The following USP34 variants were observed in gnomAD, a reference collection of about 807,000 sequenced individuals.
USP34 encodes the protein ubiquitin specific peptidase 34, also known as ubiquitin carboxyl-terminal hydrolase 34.
Under a neutral mutation model 460.3 loss-of-function variants are expected in USP34, and 70 were observed. The observed-to-expected ratio is 0.15, with a 90% confidence interval of 0.13 to 0.19. The LOEUF (loss-of-function observed/expected upper bound fraction) is 0.19. Among genes scored for constraint, USP34 ranks in the 10% least tolerant of loss-of-function variants. The pLI is 1.00. For missense variants in USP34, 3,985 were observed against 4,236.2 expected, an observed-to-expected ratio of 0.94 and a Z score of 1.65; for synonymous variants, 1,647 against 1,405.3, an observed-to-expected ratio of 1.17 and a Z score of -3.85.
chr2:61,204,802 T>C (rs373491632), intron 72 of USP34, among the ~76,000 whole-genome samples: 34 of 152,282 alleles, frequency 2.2e-4, no homozygotes, highest in South Asian at 8.3e-4. Flanking sequence ...AGGGCATCAT[T>C]TGGAAACAAA....
rs772882532 is a variant in USP34, at chr2:61,189,082, A to G, written c.9874-13T>C. 16 of 1,601,668 alleles carry G rather than the reference A, an allele frequency of 1.0e-5. No homozygotes were observed. Among genetic ancestry groups the G allele is most frequent in the Non-Finnish European group, 1.4e-5 (16 of 1,175,360 alleles). On this transcript the variant is annotated splice_polypyrimidine_tract_variant and intron_variant, in intron 78 of 79. Coordinates refer to ENST00000398571, the MANE Select transcript of USP34 (RefSeq NM_014709.4). ...GTGCCCTCAGGTCCTACAAAAACCC[A>G]GATAGGAACATTTCAAATTCTAAAG...
Position 61,236,342 on chromosome 2 carries a change from A to C in USP34, c.6825T>G (p.Phe2275Leu). 6.2e-7 allele frequency: 1 copy of C among 1,605,008 alleles called. No homozygotes were observed. The highest frequency in any genetic ancestry group is 8.5e-7 in the Non-Finnish European group (1 of 1,176,752). Residue 2275 changes from phenylalanine to leucine, a missense_variant, in exon 54 of 80, where the codon TTT (phenylalanine) becomes TTG (leucine). By Grantham distance (22) the Phe-to-Leu change is conservative. Coordinates refer to ENST00000398571, the MANE Select transcript of USP34 (RefSeq NM_014709.4). ...AAACTTACCCAAAATATGTATGTTCAAAAATGTTTTTGTCTTGAAGAAACT... is the reference window on the plus strand; with the variant it reads ...AAACTTACCCAAAATATGTATGTTCCAAAATGTTTTTGTCTTGAAGAAACT... ...NMQFLQDKNI[F>L]EHTYFGFMWQ...
chr2:61,280,200 CAAG>C (rs769925843), intron 39 of USP34, 41 bp downstream of exon 39: 22 of 1,132,648 alleles, frequency 1.9e-5, no homozygotes, highest in South Asian at 4.8e-5. Context: ...TTCATATTAA[CAAG>C]AAGAGAATAC....
intron 2 of USP34, among the ~76,000 whole-genome samples, chr2:61,418,303 C>T (rs1189764306): frequency 6.6e-6 from 1 of 152,130 alleles, no homozygotes; most frequent in Non-Finnish European, 1.5e-5. Flanking sequence ...TGGTCTCGAA[C>T]TCCTGACCTC....
intron 2 of USP34, among the ~76,000 whole-genome samples, chr2:61,412,782 G>A (rs1694077044): frequency 6.6e-6 from 1 of 151,572 alleles, no homozygotes; most frequent in African/African-American, 2.4e-5. Flanking sequence ...CCAGCTACTT[G>A]GGAGGCAGAG....
chr2:61,433,346 C>T (rs952675592), intron 1 of USP34, among the ~76,000 whole-genome samples: 6 of 152,162 alleles, frequency 3.9e-5, no homozygotes, highest in African/African-American at 1.2e-4. Flanking sequence ...TTACAAGTGG[C>T]GAATCGGCCA....
chr2:61,222,803 C>A (rs1175939747), intron 64 of USP34, 140 bp from the exon 65 acceptor site: 4 of 784,182 alleles, frequency 5.1e-6, no homozygotes, highest in Non-Finnish European at 8.3e-6. Context: ...CTCAAGCGAT[C>A]CTCCTGCCTC....
At chr2:61,392,766 G>T (rs574654143) in intron 5 of USP34, among the ~76,000 whole-genome samples, 2 of 152,130 alleles carry the variant, frequency 1.3e-5, no homozygotes, top group Non-Finnish European at 2.9e-5. Flanking sequence ...GTTTAATCCA[G>T]GTTTATGTAA....
chr2:61,313,588 ACAC>A (rs1406956003), intron 25 of USP34, among the ~76,000 whole-genome samples: 1 of 152,156 alleles, frequency 6.6e-6, no homozygotes, highest in Non-Finnish European at 1.5e-5. Flanking sequence ...TGAATAAGTT[ACAC>A]CACATTTGCT....
chr2:61,379,230 G>C (rs1028276706), intron 7 of USP34, among the ~76,000 whole-genome samples: 2 of 152,060 alleles, frequency 1.3e-5, no homozygotes, highest in Non-Finnish European at 2.9e-5. Flanking sequence ...AACAAAAACA[G>C]TAATGTGGCC....
chr2:61,302,539 A>G (rs1246658326), intron 27 of USP34, among the ~76,000 whole-genome samples: 1 of 152,204 alleles, frequency 6.6e-6, no homozygotes, highest in Non-Finnish European at 1.5e-5. Context: ...ATGGTTTGAC[A>G]AACGTTCAAT....
At chr2:61,316,771 G>C (rs1005202819) in intron 23 of USP34, among the ~76,000 whole-genome samples, 1 of 150,650 alleles carries the variant, frequency 6.6e-6, no homozygotes, top group Non-Finnish European at 1.5e-5. Context: ...TGTAATCCCA[G>C]ATACTTCGGG....
intron 5 of USP34, among the ~76,000 whole-genome samples, chr2:61,394,180 T>A (rs1055293955): frequency 6.6e-6 from 1 of 152,122 alleles, no homozygotes; most frequent in East Asian, 1.9e-4. Flanking sequence ...GTGAAACTGA[T>A]ACTCACAGGA....
intron 1 of USP34, among the ~76,000 whole-genome samples, chr2:61,470,408 C>G (rs1695916972): frequency 6.6e-6 from 1 of 151,414 alleles, no homozygotes; most frequent in Non-Finnish European, 1.5e-5. Context: ...GCCCAGAGCG[C>G]CCGGGCCAGG....
At chr2:61,465,135 T>C (rs1204747627) in intron 1 of USP34, among the ~76,000 whole-genome samples, 1 of 152,092 alleles carries the variant, frequency 6.6e-6, no homozygotes, top group Non-Finnish European at 1.5e-5. Flanking sequence ...TAAAGCCAAA[T>C]ATGATTTTGA....
chr2:61,244,033 C>T lies in USP34; in HGVS notation c.6627+1177G>A, dbSNP rs529918156. Among the ~76,000 whole-genome samples the T allele has an allele frequency of 5.9e-5, 9 of 151,746 alleles. 1 individual carries two copies. In the East Asian group the frequency reaches 1.4e-3, roughly 23 times the overall value. On this transcript the variant is annotated intron_variant, in intron 51 of 79. Coordinates refer to ENST00000398571, the MANE Select transcript of USP34 (RefSeq NM_014709.4). ...CATTCAGCAGAGTAGACAAGAACACCGAGAAGCAATAAGGAAGCCCTTCAT... is the reference window on the plus strand; with the variant it reads ...CATTCAGCAGAGTAGACAAGAACACTGAGAAGCAATAAGGAAGCCCTTCAT...
chr2:61,231,634 G>C (rs1687909118), intron 58 of USP34, among the ~76,000 whole-genome samples: 1 of 151,856 alleles, frequency 6.6e-6, no homozygotes, highest in East Asian at 1.9e-4. Flanking sequence ...AGAATTGCTT[G>C]AGCCCAGGAG....
chr2:61,265,840 T>C, intron 42 of USP34, 144 bp downstream of exon 42: 1 of 879,530 alleles, frequency 1.1e-6, no homozygotes, highest in Non-Finnish European at 1.5e-6. Flanking sequence ...CAATGTTTAC[T>C]TTTTAACTTT....
At chr2:61,446,296 G>C (rs1027123562) in intron 1 of USP34, among the ~76,000 whole-genome samples, 10 of 151,960 alleles carry the variant, frequency 6.6e-5, no homozygotes, top group African/African-American at 2.4e-4. Flanking sequence ...CCTTCTAAGT[G>C]CTTCTGTACT....
Sources: allele counts gnomAD v4.1 joint callset (sites outside exome capture counted in the v4.1 genomes callset), GRCh38; gene constraint gnomAD v4.1.1; transcripts MANE v1.5; gene names NCBI Gene and HGNC (gene_info 2026-07-23, HGNC 2026-07-21).